Variants in MCPH1 observed in about 807,000 individuals in gnomAD.
MCPH1 encodes the protein microcephalin 1.
A neutral mutation model predicts 84.5 loss-of-function variants in MCPH1; 104 were observed. That is an observed-to-expected ratio of 1.23 (90% CI 1.05 to 1.45). MCPH1 has a LOEUF of 1.45. Ranked by LOEUF, MCPH1 falls within the 40% of genes most tolerant of loss-of-function variation. MCPH1 has a pLI of 0.00. For synonymous variants in MCPH1, 514 were observed against 366.8 expected, an observed-to-expected ratio of 1.40 and a Z score of -4.58; for missense variants, 1,498 against 1,005.7, an observed-to-expected ratio of 1.49 and a Z score of -6.62.
intron 13 of MCPH1, chr8:6,635,121 C>A (rs1011208846): frequency 2.0e-5 from 3 of 152,074 alleles, no homozygotes; most frequent in African/African-American, 7.2e-5. Context: ...GTCTGACCTC[C>A]AAAAAATATA....
At chr8:6,605,199 A>T (rs1829663293) in intron 12 of MCPH1, among the ~76,000 whole-genome samples, 1 of 152,076 alleles carries the variant, frequency 6.6e-6, no homozygotes, top group East Asian at 1.9e-4. Flanking sequence ...ATGGTTACTC[A>T]TGTTGGGGGA....
At chr8:6,595,076 A>G (rs1046548166) in intron 12 of MCPH1, among the ~76,000 whole-genome samples, 3 of 152,188 alleles carry the variant, frequency 2.0e-5, no homozygotes, top group Non-Finnish European at 4.4e-5. Flanking sequence ...TAACTTACTG[A>G]CTTCGCACAA....
rs1029871653 is a variant in MCPH1 at position 6,629,123 on chromosome 8, G to C, written c.2452+7432G>C. Among the ~76,000 whole-genome samples the C allele has an allele frequency of 2.6e-5, 4 of 152,214 alleles. No individual in the cohort carries two copies. The East Asian group carries it at 7.7e-4, about 29-fold the overall frequency. On this transcript the variant is annotated intron_variant, in intron 13 of 13. Coordinates refer to ENST00000344683, the MANE Select transcript of MCPH1 (RefSeq NM_024596.5). ...TAAAGACATAAATAAGGTAACATGA[G>C]GTCATAAGGGCAAGGCCCTAATCCA...
chr8:6,412,876 C>T (rs753950704), intron 2 of MCPH1, among the ~76,000 whole-genome samples: 20 of 152,122 alleles, frequency 1.3e-4, no homozygotes, highest in East Asian at 3.8e-4. Flanking sequence ...AAAAGACTAA[C>T]GGGCAGTGCC....
chr8:6,439,188 G>A (rs764851156), intron 6 of MCPH1, 92 bp downstream of exon 6: 2 of 1,302,774 alleles, frequency 1.5e-6, no homozygotes, highest in Middle Eastern at 2.1e-4. Context: ...ATATTTTAAT[G>A]TTTCCTGGTA....
chr8:6,634,076 A>G (rs1797360459), intron 13 of MCPH1, among the ~76,000 whole-genome samples: 2 of 152,206 alleles, frequency 1.3e-5, no homozygotes, highest in South Asian at 2.1e-4. Context: ...GAAGTTAATG[A>G]AAAATAGAAA....
At chr8:6,523,959 A>G (rs183213426) in intron 12 of MCPH1, among the ~76,000 whole-genome samples, 4 of 151,886 alleles carry the variant, frequency 2.6e-5, no homozygotes, top group African/African-American at 9.7e-5. Context: ...TTCAGCACCT[A>G]AAGAGGCTTT....
At chr8:6,412,170 T>C (rs1798629788) in intron 2 of MCPH1, among the ~76,000 whole-genome samples, 1 of 152,034 alleles carries the variant, frequency 6.6e-6, no homozygotes. Flanking sequence ...AATCCGAATA[T>C]AGGAGCAGGG....
chr8:6,627,109 C>G (rs747992849), intron 13 of MCPH1: 73 of 984,888 alleles, frequency 7.4e-5, no homozygotes, highest in Non-Finnish European at 8.8e-5. Context: ...CCTTCTCATG[C>G]TGGCCTGGCT....
At chr8:6,520,577 G>C (rs538059077) in intron 12 of MCPH1, among the ~76,000 whole-genome samples, 4 of 152,156 alleles carry the variant, frequency 2.6e-5, no homozygotes, top group Non-Finnish European at 4.4e-5. Flanking sequence ...TGTATTTTTA[G>C]TAGAGACAGG....
chr8:6,470,529 C>G (rs1807586833), intron 9 of MCPH1, among the ~76,000 whole-genome samples: 2 of 152,202 alleles, frequency 1.3e-5, no homozygotes. Context: ...AAGTGATTCG[C>G]CCACCTTGGT....
intron 12 of MCPH1, among the ~76,000 whole-genome samples, chr8:6,613,104 T>C (rs1830433170): frequency 6.6e-6 from 1 of 152,050 alleles, no homozygotes; most frequent in Non-Finnish European, 1.5e-5. Context: ...TCCAGCAGCC[T>C]GGGGTTCTGA....
chr8:6,487,717 T>G (rs980965765), intron 11 of MCPH1, among the ~76,000 whole-genome samples: 1 of 152,222 alleles, frequency 6.6e-6, no homozygotes, highest in Non-Finnish European at 1.5e-5. Flanking sequence ...ATCTCAGGCC[T>G]GGGTCTCTGA....
chr8:6,510,424 G>A (rs17077213), intron 12 of MCPH1, among the ~76,000 whole-genome samples: 1 of 152,164 alleles, frequency 6.6e-6, no homozygotes, highest in African/African-American at 2.4e-5. Flanking sequence ...GCTAATGTTT[G>A]CAAGCTGCCA....
intron 12 of MCPH1, among the ~76,000 whole-genome samples, chr8:6,564,290 A>G (rs1825952767): frequency 6.6e-6 from 1 of 152,092 alleles, no homozygotes; most frequent in Non-Finnish European, 1.5e-5. Flanking sequence ...AAACTTCTTT[A>G]TTGTGTCAGA....
At chr8:6,583,756 G>C (rs1315474741) in intron 12 of MCPH1, among the ~76,000 whole-genome samples, 1 of 150,796 alleles carries the variant, frequency 6.6e-6, no homozygotes, top group Non-Finnish European at 1.5e-5. Flanking sequence ...TGGCAAAGAC[G>C]CCTCAGCTAA....
chr8:6,639,581 C>T (rs1298262045), intron 13 of MCPH1, among the ~76,000 whole-genome samples: 3 of 151,442 alleles, frequency 2.0e-5, no homozygotes, highest in African/African-American at 4.9e-5. Flanking sequence ...GAGGATCACT[C>T]GAGGACAGGA....
At chr8:6,622,417 T>C (rs1181050569) in intron 13 of MCPH1, among the ~76,000 whole-genome samples, 1 of 152,210 alleles carries the variant, frequency 6.6e-6, no homozygotes, top group East Asian at 1.9e-4. Flanking sequence ...GCCTGGGGAA[T>C]GCGGAGGAAG....
At chr8:6,534,440 A>G (rs1820137148) in intron 12 of MCPH1, among the ~76,000 whole-genome samples, 1 of 152,142 alleles carries the variant, frequency 6.6e-6, no homozygotes, top group Non-Finnish European at 1.5e-5. Flanking sequence ...CCCCACAGAC[A>G]TCAAGGGACA....
Sources: allele counts gnomAD v4.1 joint callset (sites outside exome capture counted in the v4.1 genomes callset), GRCh38; gene constraint gnomAD v4.1.1; transcripts MANE v1.5; gene names NCBI Gene and HGNC (gene_info 2026-07-23, HGNC 2026-07-21).